The following MAT1A variants were observed in gnomAD, a reference collection of about 807,000 sequenced individuals.
MAT1A encodes the protein S-adenosylmethionine synthase isoform type-1.
Under a neutral mutation model 44.0 loss-of-function variants are expected in MAT1A, and 19 were observed. The observed-to-expected ratio is 0.43, with a 90% confidence interval of 0.30 to 0.63. MAT1A has a LOEUF of 0.63. Among genes scored for constraint, MAT1A ranks in the 30% least tolerant of loss-of-function variants. MAT1A has a pLI of 0.12. For synonymous variants in MAT1A, 205 were observed against 205.6 expected, an observed-to-expected ratio of 1.00 and a Z score of 0.03; for missense variants, 397 against 531.0, an observed-to-expected ratio of 0.75 and a Z score of 2.48.
Position 80,271,950 on chromosome 10 carries a change from A to T in MAT1A, c.*1831T>A, listed in dbSNP as rs1841414205. The T allele has an allele frequency of 6.6e-6, 1 of 152,032 alleles. No homozygotes were observed. The highest frequency in any genetic ancestry group is 1.5e-5 in the Non-Finnish European group (1 of 67,990). The allele number at this position is 152,032 out of a possible 1,614,324, so 9.4% of individuals were successfully genotyped here. A position where few individuals can be genotyped will look rare whatever the true frequency, so the allele number is the denominator to read the frequency against. ...AGGGTAGGGAAAGTATAAAATTCTGAATTTTCATGTCGAGTGTGAGCCAAG... is the reference window on the plus strand; with the variant it reads ...AGGGTAGGGAAAGTATAAAATTCTGTATTTTCATGTCGAGTGTGAGCCAAG... On this transcript the variant is annotated 3_prime_UTR_variant, in exon 9 of 9. Transcript: ENST00000372213.
At chr10:80,279,247 A>G (rs1841528544) in intron 5 of MAT1A, among the ~76,000 whole-genome samples, 1 of 152,044 alleles carries the variant, frequency 6.6e-6, no homozygotes, top group Non-Finnish European at 1.5e-5. Context: ...AGCCCTGGGG[A>G]AGGCTGAGCT....
intron 1 of MAT1A, among the ~76,000 whole-genome samples, chr10:80,287,579 C>G (rs1032080020): frequency 1.3e-5 from 2 of 152,186 alleles, no homozygotes; most frequent in African/African-American, 4.8e-5. Flanking sequence ...GTCCTCTGAG[C>G]ACATTGCTGC....
chr10:80,278,099 C>T (rs1392016764), intron 5 of MAT1A, among the ~76,000 whole-genome samples: 2 of 152,214 alleles, frequency 1.3e-5, no homozygotes, highest in African/African-American at 4.8e-5. Context: ...GGCCAGCTGG[C>T]GAGGGGCCTC....
intron 7 of MAT1A, 100 bp downstream of exon 7, chr10:80,274,917 G>T: frequency 7.0e-7 from 1 of 1,425,010 alleles, no homozygotes. Context: ...CTTTGGCAAA[G>T]CATGCAGCTT....
intron 5 of MAT1A, among the ~76,000 whole-genome samples, chr10:80,279,945 C>A (rs1841540469): frequency 6.6e-6 from 1 of 152,140 alleles, no homozygotes; most frequent in Admixed American, 6.5e-5. Flanking sequence ...AAAAACGGAA[C>A]TATTCTTTTC....
chr10:80,287,200 C>T (rs1841661047), intron 1 of MAT1A, among the ~76,000 whole-genome samples: 2 of 152,356 alleles, frequency 1.3e-5, no homozygotes, highest in South Asian at 2.1e-4. Context: ...GGAAATCCAA[C>T]AGGAGAAGGA....
rs1198435804 is a variant in MAT1A at position 80,276,472 on chromosome 10, C to T, written c.672G>A (p.Glu224=). The change falls in exon 6 of 9, where the codon GAG becomes GAA. Residue 224 remains glutamate (E), a synonymous_variant. Coordinates refer to ENST00000372213, the MANE Select transcript of MAT1A (RefSeq NM_000429.3). ...CCGGCACCACGGCCCTGATGACTTGCTCCTTCAGGGCCCTGCGCATCTCCT... is the reference window on the plus strand; with the variant it reads ...CCGGCACCACGGCCCTGATGACTTGTTCCTTCAGGGCCCTGCGCATCTCCT... ...TLEEMRRALK[E]QVIRAVVPAK... 3.7e-6 allele frequency: 6 copies of T among 1,614,172 alleles called. No homozygotes were observed. The South Asian group carries it at 5.5e-5, about 15-fold the overall frequency.
intron 5 of MAT1A, among the ~76,000 whole-genome samples, chr10:80,277,772 G>A (rs991411522): frequency 1.3e-4 from 20 of 152,212 alleles, no homozygotes; most frequent in African/African-American, 4.8e-4. Context: ...CAGAACTGCA[G>A]AATAGGGCAG....
At chr10:80,274,801 G>T in intron 7 of MAT1A, 148 bp from the exon 8 acceptor site, 1 of 1,278,572 alleles carries the variant, frequency 7.8e-7, no homozygotes, top group Non-Finnish European at 1.1e-6. Flanking sequence ...TATCTTCACC[G>T]AGGGCAGTTC....
chr10:80,280,772 T>C lies in MAT1A; in HGVS notation c.313A>G (p.Asn105Asp), dbSNP rs1379803466. ...TGCTGCTCCAAAGCCACCAGCACGT[T>C]GCAAGTCTTGAAGTCAAAGCCTAGG... is the stretch of plus-strand genomic sequence containing the variant. ...SAKGFDFKTC[N>D]VLVALEQQSP... The change falls in exon 4 of 9, where the codon AAC becomes GAC. Residue 105 changes from asparagine (N) to aspartate (D), a missense_variant. Asn to Asp is a conservative substitution (Grantham distance 23). Transcript: ENST00000372213. The C allele has an allele frequency of 6.2e-7, 1 of 1,614,164 alleles. No homozygotes were observed. The highest frequency in any genetic ancestry group is 1.7e-5 in the Admixed American group (1 of 60,030).
Position 80,274,623 on chromosome 10 carries a change from G to A in MAT1A, c.982C>T (p.Leu328=). 1.2e-6 allele frequency: 2 copies of A among 1,614,218 alleles called. No individual in the cohort carries two copies. Among genetic ancestry groups the A allele is most frequent in the South Asian group, 1.1e-5 (1 of 91,082 alleles). The stretch of plus-strand genomic sequence containing the variant: ...CCGTAGGTGAAGATGGAAATGGACA[G>A]CGGCTCGGCCACACCAATGGCATAG... ...VSYAIGVAEP[L]SISIFTYGTS... Residue 328 remains leucine (L), a synonymous_variant, in exon 8 of 9, where the codon CTG becomes TTG. Coordinates refer to ENST00000372213, the MANE Select transcript of MAT1A (RefSeq NM_000429.3).
chr10:80,283,082 A>C (rs950935596), intron 3 of MAT1A, among the ~76,000 whole-genome samples: 5 of 152,226 alleles, frequency 3.3e-5, no homozygotes, highest in African/African-American at 1.2e-4. Flanking sequence ...GAATTGCCTG[A>C]ACATCTAATG....
In MAT1A at chr10:80,272,748, A is replaced by T. The variant is rs1328199374; in HGVS notation, c.*1033T>A. ...AGAAGTCCAAAAACCCAATCTCTGC[A>T]TGTCTCTGAGTGGTCAGGGGGCTGG... On this transcript the variant is annotated 3_prime_UTR_variant, in exon 9 of 9. Transcript: ENST00000372213. 6.6e-6 allele frequency: 1 copy of T among 152,178 alleles called. No individual in the cohort carries two copies. The highest frequency in any genetic ancestry group is 2.4e-5 in the African/African-American group (1 of 41,438). 9.4% of individuals were successfully genotyped at this position (152,178 alleles called of 1,614,324 possible).
intron 2 of MAT1A, 56 bp downstream of exon 2, chr10:80,285,456 A>G (rs900278398): frequency 7.0e-7 from 1 of 1,435,994 alleles, no homozygotes; most frequent in Non-Finnish European, 9.8e-7. Context: ...CCCATGATTA[A>G]TTTCTCAGTC....
At chr10:80,284,873 T>C (rs1244417016) in intron 2 of MAT1A, among the ~76,000 whole-genome samples, 5 of 152,212 alleles carry the variant, frequency 3.3e-5, no homozygotes, top group Admixed American at 3.3e-4. Flanking sequence ...TCAGCCTACA[T>C]GAGTCTTCAG....
intron 1 of MAT1A, among the ~76,000 whole-genome samples, chr10:80,287,176 C>A (rs1227876819): frequency 6.6e-6 from 1 of 152,198 alleles, no homozygotes; most frequent in East Asian, 1.9e-4. Context: ...CTCACAGGCT[C>A]CCACTCTGCC....
At chr10:80,280,567 G>T in intron 4 of MAT1A, 113 bp downstream of exon 4, 2 of 1,088,554 alleles carry the variant, frequency 1.8e-6, no homozygotes, top group Non-Finnish European at 2.8e-6. Flanking sequence ...TTCCCAACTC[G>T]CTCCTGGCTA....
At chr10:80,285,288 C>T (rs1297652939) in intron 2 of MAT1A, among the ~76,000 whole-genome samples, 3 of 130,862 alleles carry the variant, frequency 2.3e-5, no homozygotes, top group South Asian at 6.0e-4. Flanking sequence ...TGACATTTAA[C>T]GTTAGATTCT....
chr10:80,278,464 T>A (rs1436982712), intron 5 of MAT1A, among the ~76,000 whole-genome samples: 1 of 152,208 alleles, frequency 6.6e-6, no homozygotes, highest in Non-Finnish European at 1.5e-5. Context: ...TGCTTCTATA[T>A]CGCAGCACCA....
Sources: gnomAD v4.1 joint callset for allele counts (sites outside exome capture counted in the v4.1 genomes callset) on GRCh38, gnomAD v4.1.1 for gene constraint, MANE v1.5 for transcripts, NCBI Gene and HGNC (gene_info 2026-07-23, HGNC 2026-07-21) for gene names.